TOGARAM1: variants seen among roughly 807,000 people sequenced by gnomAD.
TOGARAM1 encodes the protein TOG array regulator of axonemal microtubules 1, also known as TOG array regulator of axonemal microtubules protein 1.
Under a neutral mutation model 166.6 loss-of-function variants are expected in TOGARAM1, and 100 were observed. The ratio of observed to expected loss-of-function variants is 0.60; its 90% CI spans 0.51 to 0.71. The LOEUF is 0.71. TOGARAM1 is among the 30% of genes least tolerant of loss of function. TOGARAM1 has a pLI of 0.00. For synonymous variants in TOGARAM1, 758 were observed against 763.8 expected (o/e 0.99, Z 0.13); for missense variants, 2,029 against 2,102.7 (o/e 0.96, Z 0.69).
At chr14:44,987,973 GA>G (rs1372761738) in intron 1 of TOGARAM1, among the ~76,000 whole-genome samples, 5 of 151,906 alleles carry the variant, frequency 3.3e-5, no homozygotes, top group African/African-American at 1.2e-4. Flanking sequence ...GATGAAGCTG[GA>G]AACCATCATT....
At chr14:45,056,491 G>C (rs1463740354) in intron 16 of TOGARAM1, among the ~76,000 whole-genome samples, 1 of 152,066 alleles carries the variant, frequency 6.6e-6, no homozygotes, top group Non-Finnish European at 1.5e-5. Context: ...GTATGATGTT[G>C]GCTGTGGGTT....
In TOGARAM1 at chr14:44,962,785, C is replaced by T. The variant is rs140361174; in HGVS notation, c.364C>T (p.Arg122Trp). Residue 122 changes from arginine to tryptophan, a missense_variant, in exon 1 of 20, where the codon CGG (arginine) becomes TGG (tryptophan). Arg to Trp is a moderately radical substitution (Grantham distance 101). Around this residue, in one of 2 missense-constraint regions of TOGARAM1, gnomAD observed 1,453 missense variants for 1,432.2 expected, o/e 1.01. Transcript: ENST00000361462. ...CCAGGCTTTGCAAGCTGCTTTGCCGCGGCGGGGCGGTCGACTTGGCTTCCC... is the reference window on the plus strand; with the variant it reads ...CCAGGCTTTGCAAGCTGCTTTGCCGTGGCGGGGCGGTCGACTTGGCTTCCC... ...AFQALQAALP[R>W]RGGRLGFPRR... 1.2e-4 allele frequency: 201 copies of T among 1,612,368 alleles called. No individual in the cohort carries two copies. Among genetic ancestry groups the T allele is most frequent in the Non-Finnish European group, 1.6e-4 (190 of 1,180,000 alleles).
chr14:45,007,601 C>T (rs1050909596), intron 5 of TOGARAM1: 1 of 151,968 alleles, frequency 6.6e-6, no homozygotes, highest in Admixed American at 6.6e-5. Context: ...AGAAGTGGCC[C>T]TAGTATTAAA....
chr14:45,021,147 G>T (rs879176875), intron 7 of TOGARAM1, among the ~76,000 whole-genome samples: 2 of 152,104 alleles, frequency 1.3e-5, no homozygotes, highest in South Asian at 2.1e-4. Flanking sequence ...TGAACTCCAC[G>T]CCCATCAGAC....
chr14:45,036,524 T>G (rs1881445715), intron 11 of TOGARAM1, among the ~76,000 whole-genome samples: 1 of 152,230 alleles, frequency 6.6e-6, no homozygotes, highest in South Asian at 2.1e-4. Context: ...CATATTAATA[T>G]CAAAGTATAT....
At chr14:45,056,624 A>G (rs181865359) in intron 16 of TOGARAM1, among the ~76,000 whole-genome samples, 1 of 152,196 alleles carries the variant, frequency 6.6e-6, no homozygotes, top group African/African-American at 2.4e-5. Flanking sequence ...TGAGATAATC[A>G]TATGGTTTTT....
In TOGARAM1 at chr14:45,044,866, C is replaced by T. The variant is rs1037051745; in HGVS notation, c.4150C>T (p.Gln1384Ter). 6.2e-7 allele frequency: 1 copy of T among 1,604,700 alleles called. No individual in the cohort carries two copies. Among genetic ancestry groups the T allele is most frequent in the Non-Finnish European group, 8.5e-7 (1 of 1,174,070 alleles). ...RAVVSLINGG[Q>*]SHLHIAVRRC... ...AGTTGTTTCTCTTATCAATGGTGGA[C>T]AAAGGTAATGTTCAAAATAACCTTG... The change falls in exon 13 of 20, where the codon CAA (glutamine) becomes TAA (stop). Residue 1384 changes from glutamine (Q) to a stop codon, truncating the protein, a stop_gained. Coordinates refer to ENST00000361462, the MANE Select transcript of TOGARAM1 (RefSeq NM_001308120.2). LOFTEE classifies it high-confidence loss of function.
intron 1 of TOGARAM1, among the ~76,000 whole-genome samples, chr14:44,972,827 C>T (rs1885959696): frequency 6.6e-6 from 1 of 152,016 alleles, no homozygotes; most frequent in South Asian, 2.1e-4. Context: ...TTGATAGGCT[C>T]TTGGAAACCG....
intron 19 of TOGARAM1, 65 bp downstream of exon 19, chr14:45,071,863 A>T: frequency 7.9e-7 from 1 of 1,271,920 alleles, no homozygotes; most frequent in Non-Finnish European, 1.1e-6. Flanking sequence ...AAACTGTTTC[A>T]ATTTAATTTT....
At position 44,999,449 on chromosome 14, in the gene TOGARAM1, G is replaced by A. The variant is rs1887592519; in HGVS notation, c.2290G>A (p.Gly764Ser). The A allele has an allele frequency of 6.2e-7, 1 of 1,612,396 alleles. No individual in the cohort carries two copies. Among genetic ancestry groups the A allele is most frequent in the Non-Finnish European group, 8.5e-7 (1 of 1,179,080 alleles). The change falls in exon 3 of 20, where the codon GGT becomes AGT. Residue 764 changes from glycine (G) to serine (S), a missense_variant. Physicochemically the swap from Gly to Ser is moderately conservative, Grantham distance 56. Transcript: ENST00000361462. ...AATATGTGGTAAAACTGGCAGTGTGGGTTCTGACTTACAATTCCTAGGGAC... is the reference window on the plus strand; with the variant it reads ...AATATGTGGTAAAACTGGCAGTGTGAGTTCTGACTTACAATTCCTAGGGAC... The part of the protein sequence containing the change: ...SQICGKTGSV[G>S]SDLQFLGTTS...
chr14:45,026,828 T>C (rs774380572), intron 8 of TOGARAM1, among the ~76,000 whole-genome samples: 4 of 142,298 alleles, frequency 2.8e-5, no homozygotes, highest in Non-Finnish European at 4.5e-5. Context: ...CAAAACCCCA[T>C]CTCTACCAAA....
intron 4 of TOGARAM1, among the ~76,000 whole-genome samples, chr14:45,005,191 G>A (rs920235330): frequency 4.6e-5 from 7 of 152,092 alleles, no homozygotes; most frequent in South Asian, 2.1e-4. Context: ...TGGGATTACA[G>A]GCGTGAGCTA....
rs945265116 is a variant in TOGARAM1 at position 45,073,541 on chromosome 14, A to C, written c.5302A>C (p.Thr1768Pro). 6.2e-7 allele frequency: 1 copy of C among 1,613,090 alleles called. No individual in the cohort carries two copies. Among genetic ancestry groups the C allele is most frequent in the Non-Finnish European group, 8.5e-7 (1 of 1,179,674 alleles). ...KKSLEELLDMTILNEL is the reference protein window; with the variant it reads ...KKSLEELLDMPILNEL ...GAGTTTGGAGGAATTACTCGATATG[A>C]CAATTTTAAATGAATTATGAATCTT... Residue 1768 changes from threonine (T) to proline (P), a missense_variant, in exon 20 of 20, where the codon ACA becomes CCA. Physicochemically the swap from Thr to Pro is conservative, Grantham distance 38. Coordinates refer to ENST00000361462, the MANE Select transcript of TOGARAM1 (RefSeq NM_001308120.2).
At chr14:45,031,446 C>T (rs1881149259) in intron 10 of TOGARAM1, among the ~76,000 whole-genome samples, 1 of 152,176 alleles carries the variant, frequency 6.6e-6, no homozygotes, top group Admixed American at 6.5e-5. Context: ...TATTACTACA[C>T]ATGGTCTTAG....
chr14:45,014,891 G>A (rs1880023636), intron 7 of TOGARAM1, among the ~76,000 whole-genome samples: 1 of 152,186 alleles, frequency 6.6e-6, no homozygotes, highest in Non-Finnish European at 1.5e-5. Context: ...GGATATTCTT[G>A]AAACTTTTCT....
In TOGARAM1 at chr14:44,962,212, CG is replaced by C; in HGVS notation, c.-208del. 1.9e-6 allele frequency: 1 copy of C among 517,586 alleles called. No individual in the cohort carries two copies. 32.1% of individuals were successfully genotyped at this position (517,586 alleles called of 1,614,324 possible). A position where few individuals can be genotyped will look rare whatever the true frequency, so the allele number is the denominator to read the frequency against. On this transcript the variant is annotated 5_prime_UTR_variant, in exon 1 of 20. Transcript: ENST00000361462. Reference sequence around the variant, plus strand: ...GTCACGTGGTGCCCTTGGTTACGCCCGGTGGCAGCTGTGGGGTCTAGGGCTC... The same window carrying C: ...GTCACGTGGTGCCCTTGGTTACGCCCGTGGCAGCTGTGGGGTCTAGGGCTC...
intron 7 of TOGARAM1, among the ~76,000 whole-genome samples, chr14:45,018,815 T>C (rs531647926): frequency 8.5e-5 from 13 of 152,318 alleles, no homozygotes; most frequent in Admixed American, 2.6e-4. Flanking sequence ...GGACAAAAAA[T>C]GCTTTTCTTC....
chr14:44,987,180 C>T (rs908586204), intron 1 of TOGARAM1, among the ~76,000 whole-genome samples: 1 of 151,784 alleles, frequency 6.6e-6, no homozygotes, highest in African/African-American at 2.4e-5. Context: ...ACCTCGTGAT[C>T]TGCCCGCCTC....
intron 3 of TOGARAM1, 67 bp downstream of exon 3, chr14:44,999,564 C>G: frequency 7.5e-7 from 1 of 1,334,150 alleles, no homozygotes; most frequent in South Asian, 1.8e-5. Context: ...CCAACACTAA[C>G]TTATATGATA....
Sources: gnomAD v4.1 joint callset for allele counts (sites outside exome capture counted in the v4.1 genomes callset) on GRCh38, gnomAD v4.1.1 for gene constraint, gnomAD v4.1.1 regional missense constraint, MANE v1.5 for transcripts, NCBI Gene and HGNC (gene_info 2026-07-23, HGNC 2026-07-21) for gene names.